The following BAG5 variants were observed in gnomAD, a reference collection of about 807,000 sequenced individuals.
The protein encoded by BAG5 is BAG family molecular chaperone regulator 5.
A neutral mutation model predicts 31.8 loss-of-function variants in BAG5; 25 were observed. The ratio of observed to expected loss-of-function variants is 0.79; its 90% CI spans 0.57 to 1.10. BAG5 has a LOEUF of 1.10. Ranked by LOEUF, BAG5 falls within the 50% of genes least tolerant of loss-of-function variation. BAG5 has a pLI of 0.00. For missense variants in BAG5, 491 were observed against 527.9 expected (o/e 0.93, Z 0.68); for synonymous variants, 208 against 205.0 (o/e 1.01, Z -0.13).
chr14:103,562,549 G>C (rs902097524), intron 1 of BAG5, 67 bp downstream of exon 1: 3 of 158,264 alleles, frequency 1.9e-5, no homozygotes, highest in African/African-American at 7.2e-5. Context: ...GGGGAGCCCC[G>C]CGCGGAGGTG....
Position 103,560,590 on chromosome 14 carries a change from T to A in BAG5, c.575A>T (p.Glu192Val). ...CAGGACCCCTCGGGCCTTGTTCACC[T>A]CACACATCACGAAGTTGATTTTGGC... ...SVAKINFVMC[E>V]VNKARGVLIA... Residue 192 changes from glutamate to valine, a missense_variant, in exon 2 of 2, where the codon GAG (glutamate) becomes GTG (valine). Physicochemically the swap from Glu to Val is moderately radical, Grantham distance 121 (BLOSUM62 -2). Transcript: ENST00000299204. 1.2e-6 allele frequency: 2 copies of A among 1,614,140 alleles called. No homozygotes were observed. Among genetic ancestry groups the A allele is most frequent in the Non-Finnish European group, 1.7e-6 (2 of 1,180,030 alleles).
Position 103,560,071 on chromosome 14 carries a change from G to A in BAG5, c.1094C>T (p.Ser365Phe). The A allele has an allele frequency of 6.2e-7, 1 of 1,614,172 alleles. No individual in the cohort carries two copies. ...AAGGACGTTCCAGACGGCTTTATGG[G>A]ATGGGTGCTCCTCACAAGCAAACAG... ...RKLFACEEHP[S>F]HKAVWNVLGN... The change falls in exon 2 of 2, where the codon TCC (serine) becomes TTC (phenylalanine). Residue 365 changes from serine to phenylalanine, a missense_variant. Coordinates refer to ENST00000299204, the MANE Select transcript of BAG5 (RefSeq NM_001015048.3).
rs1206590487 is a variant in BAG5, at chr14:103,560,094, C to G, written c.1071G>C (p.Leu357=). 6.2e-7 allele frequency: 1 copy of G among 1,614,128 alleles called. No individual in the cohort carries two copies. Among genetic ancestry groups the G allele is most frequent in the Non-Finnish European group, 8.5e-7 (1 of 1,180,030 alleles). ...DLKEALEKRK[L]FACEEHPSHK... is the part of the protein sequence containing the mutation. ...GGGATGGGTGCTCCTCACAAGCAAACAGCTTTCTTTTCTCAAGGGCCTCCT... is the reference window on the plus strand; with the variant it reads ...GGGATGGGTGCTCCTCACAAGCAAAGAGCTTTCTTTTCTCAAGGGCCTCCT... Residue 357 remains leucine (L), a synonymous_variant, in exon 2 of 2, where the codon CTG becomes CTC. Coordinates refer to ENST00000299204, the MANE Select transcript of BAG5 (RefSeq NM_001015048.3).
intron 1 of BAG5, chr14:103,562,205 TGCATGCCTC>T (rs1462215795): frequency 8.5e-6 from 5 of 590,970 alleles, no homozygotes; most frequent in Non-Finnish European, 1.5e-5. Flanking sequence ...GGCCCCCAGC[TGCATGCCTC>T]GCACCCCTCC....
chr14:103,561,284 A>G, intron 1 of BAG5, 92 bp from the exon 2 acceptor site: 3 of 1,369,688 alleles, frequency 2.2e-6, no homozygotes, highest in South Asian at 1.4e-5. Context: ...TCTCATTTTA[A>G]AAAGGTATAC....
Position 103,558,037 on chromosome 14 carries a change from C to T in BAG5, c.*1784G>A, listed in dbSNP as rs141137656. 4.6e-5 allele frequency: 7 copies of T among 152,260 alleles called. No homozygotes were observed. The highest frequency in any genetic ancestry group is 1.7e-4 in the African/African-American group (7 of 41,544). The allele number at this position is 152,260 out of a possible 1,614,324, so 9.4% of individuals were successfully genotyped here. The stretch of plus-strand genomic sequence containing the variant: ...TCTTCCTCAAGATTTTAAGAGCATT[C>T]TAAAATTATGATACAGAAAAGCAAT... On this transcript the variant is annotated 3_prime_UTR_variant, in exon 2 of 2. Coordinates refer to ENST00000299204, the MANE Select transcript of BAG5 (RefSeq NM_001015048.3).
Position 103,560,506 on chromosome 14 carries a change from A to G in BAG5, c.659T>C (p.Leu220Pro). Residue 220 changes from leucine (L) to proline (P), a missense_variant, in exon 2 of 2, where the codon CTC (leucine) becomes CCC (proline). Coordinates refer to ENST00000299204, the MANE Select transcript of BAG5 (RefSeq NM_001015048.3). ...ATCCAGGTCAGCGATCAGCCCCGAGAGCACACAGGATAAGTGCCTGCAGGT... is the reference window on the plus strand; with the variant it reads ...ATCCAGGTCAGCGATCAGCCCCGAGGGCACACAGGATAAGTGCCTGCAGGT... ...NETCRHLSCVLSGLIADLDAL... is the reference protein window; with the variant it reads ...NETCRHLSCVPSGLIADLDAL... 1 of 1,613,992 alleles carries G rather than the reference A, an allele frequency of 6.2e-7. No homozygotes were observed. The highest frequency in any genetic ancestry group is 8.5e-7 in the Non-Finnish European group (1 of 1,180,020).
Position 103,560,629 on chromosome 14 carries a change from G to A in BAG5, c.536C>T (p.Ala179Val). 1 of 1,614,190 alleles carries A rather than the reference G, an allele frequency of 6.2e-7. No homozygotes were observed. The highest frequency in any genetic ancestry group is 8.5e-7 in the Non-Finnish European group (1 of 1,180,038). The change falls in exon 2 of 2, where the codon GCA becomes GTA. Residue 179 changes from alanine (A) to valine (V), a missense_variant. Ala to Val is a moderately conservative substitution (Grantham distance 64, BLOSUM62 0). Transcript: ENST00000299204. ...GTTGATTTTGGCAACGGAAGGATGT[G>A]CATCCTCGGAAAGCGGCAGGGAAGG... ...KQPSLPLSED[A>V]HPSVAKINFV...
rs538305515 is a variant in BAG5 at position 103,557,303 on chromosome 14, G to GT, written c.*2517dup. ...CGAAGGCCGACAAGAGCTAAATCCG[G>GT]TGTCAACAGGGTTCATTGCAGGAGT... On this transcript the variant is annotated 3_prime_UTR_variant, in exon 2 of 2. Coordinates refer to ENST00000299204, the MANE Select transcript of BAG5 (RefSeq NM_001015048.3). 3 of 152,314 alleles carry GT rather than the reference G, an allele frequency of 2.0e-5. 1 individual carries two copies. The highest frequency in any genetic ancestry group is 7.2e-5 in the African/African-American group (3 of 41,562). 9.4% of individuals were successfully genotyped at this position (152,314 alleles called of 1,614,324 possible). A position where few individuals can be genotyped will look rare whatever the true frequency, so the allele number is the denominator to read the frequency against.
Position 103,560,385 on chromosome 14 carries a change from C to T in BAG5, c.780G>A (p.Glu260=), listed in dbSNP as rs1183133711. ...CAAATGCTTTAGTTGTGTCTGCTTC[C>T]TCTTCCAAATCCAGATATTTCAATA... ...NKLLKYLDLE[E]EADTTKAFDL... The change falls in exon 2 of 2, where the codon GAG becomes GAA. Residue 260 remains glutamate, a synonymous_variant. Transcript: ENST00000299204. 6.2e-7 allele frequency: 1 copy of T among 1,614,146 alleles called. No individual in the cohort carries two copies. The highest frequency in any genetic ancestry group is 2.2e-5 in the East Asian group (1 of 44,890).
chr14:103,556,698 G>A lies in BAG5; in HGVS notation c.*3123C>T, dbSNP rs1595124523. ...GAGAGGGGACAGGAACCAATGTACT[G>A]GAAAAACACACTTGTATTATATGTA... On this transcript the variant is annotated 3_prime_UTR_variant, in exon 2 of 2. Transcript: ENST00000299204. 1 of 151,968 alleles carries A rather than the reference G, an allele frequency of 6.6e-6. No homozygotes were observed. The highest frequency in any genetic ancestry group is 1.5e-5 in the Non-Finnish European group (1 of 68,010). The allele number at this position is 151,968 out of a possible 1,614,324, so 9.4% of individuals were successfully genotyped here. A position where few individuals can be genotyped will look rare whatever the true frequency, so the allele number is the denominator to read the frequency against.
intron 1 of BAG5, chr14:103,562,242 G>T: frequency 3.8e-6 from 2 of 530,220 alleles, no homozygotes; most frequent in Non-Finnish European, 6.8e-6. Context: ...GTCTGAGCGG[G>T]GCAGCCGGTG....
In BAG5 at chr14:103,559,564, G is replaced by T; in HGVS notation, c.*257C>A. On this transcript the variant is annotated 3_prime_UTR_variant, in exon 2 of 2. Transcript: ENST00000299204. ...AAAAGCTGCCTCTATTTTGTTTTCT[G>T]ATTAAAAACGCAAAAAAAAGGACAA... is the stretch of plus-strand genomic sequence containing the variant. The T allele has an allele frequency of 2.6e-6, 1 of 391,914 alleles. No individual in the cohort carries two copies. The highest frequency in any genetic ancestry group is 4.5e-6 in the Non-Finnish European group (1 of 221,218). The allele number at this position is 391,914 out of a possible 1,614,324, so 24.3% of individuals were successfully genotyped here.
chr14:103,560,164 C>T lies in BAG5; in HGVS notation c.1001G>A (p.Arg334Lys). ...KNPCIREARR[R>K]AVIEVQTLIT... ...CAGAGTTTGCACCTCGATCACTGCT[C>T]TTCTCCTGGCTTCCCGGATGCAGGG... The change falls in exon 2 of 2, where the codon AGA becomes AAA. Residue 334 changes from arginine (R) to lysine (K), a missense_variant. Physicochemically the swap from Arg to Lys is conservative, Grantham distance 26. Transcript: ENST00000299204. 6.2e-7 allele frequency: 1 copy of T among 1,614,144 alleles called. No homozygotes were observed. The highest frequency in any genetic ancestry group is 8.5e-7 in the Non-Finnish European group (1 of 1,180,010).
intron 1 of BAG5, 25 bp from the exon 2 acceptor site, chr14:103,561,217 T>A: frequency 6.4e-6 from 10 of 1,564,290 alleles, no homozygotes; most frequent in Non-Finnish European, 8.6e-6. Flanking sequence ...GAATGATAAC[T>A]TACTACAGCA....
chr14:103,560,536 T>C lies in BAG5; in HGVS notation c.629A>G (p.Asn210Ser), dbSNP rs757025881. Residue 210 changes from asparagine to serine, a missense_variant, in exon 2 of 2, where the codon AAT (asparagine) becomes AGT (serine). Transcript: ENST00000299204. ...ACAGGATAAGTGCCTGCAGGTCTCA[T>C]TGTTGTTCACACCCATCAGAAGTGC... Reference protein sequence around the residue: ...LIALLMGVNNNETCRHLSCVL... With the variant: ...LIALLMGVNNSETCRHLSCVL... 1.2e-5 allele frequency: 19 copies of C among 1,613,932 alleles called. No homozygotes were observed. Among genetic ancestry groups the C allele is most frequent in the East Asian group, 4.5e-5 (2 of 44,900 alleles).
rs376310374 is a variant in BAG5 at position 103,557,684 on chromosome 14, C to T, written c.*2137G>A. The T allele has an allele frequency of 7.9e-5, 12 of 152,244 alleles. No individual in the cohort carries two copies. Among genetic ancestry groups the T allele is most frequent in the African/African-American group, 2.9e-4 (12 of 41,546 alleles). 9.4% of individuals were successfully genotyped at this position (152,244 alleles called of 1,614,324 possible). On this transcript the variant is annotated 3_prime_UTR_variant, in exon 2 of 2. Coordinates refer to ENST00000299204, the MANE Select transcript of BAG5 (RefSeq NM_001015048.3). ...ATGATTTCCCAGTGGTATAATTAAACAGAGCTCTAATTTAAAAACTCTTCC... is the reference window on the plus strand; with the variant it reads ...ATGATTTCCCAGTGGTATAATTAAATAGAGCTCTAATTTAAAAACTCTTCC...
chr14:103,560,066 TATGGG>T lies in BAG5; in HGVS notation c.1094_1098del (p.Ser365Ter). The T allele has an allele frequency of 6.2e-7, 1 of 1,614,200 alleles. No homozygotes were observed. The highest frequency in any genetic ancestry group is 1.1e-5 in the South Asian group (1 of 91,088). On this transcript the variant is annotated frameshift_variant, in exon 2 of 2. Coordinates refer to ENST00000299204, the MANE Select transcript of BAG5 (RefSeq NM_001015048.3). LOFTEE classifies it high-confidence loss of function. ...TTTCCAAGGACGTTCCAGACGGCTT[TATGGG>T]ATGGGTGCTCCTCACAAGCAAACAG...
chr14:103,558,876 G>C lies in BAG5; in HGVS notation c.*945C>G, dbSNP rs1350233659. 6.6e-6 allele frequency: 1 copy of C among 152,206 alleles called. No individual in the cohort carries two copies. Among genetic ancestry groups the C allele is most frequent in the African/African-American group, 2.4e-5 (1 of 41,434 alleles). The allele number at this position is 152,206 out of a possible 1,614,324, so 9.4% of individuals were successfully genotyped here. A position where few individuals can be genotyped will look rare whatever the true frequency, so the allele number is the denominator to read the frequency against. On this transcript the variant is annotated 3_prime_UTR_variant, in exon 2 of 2. Transcript: ENST00000299204. The stretch of plus-strand genomic sequence containing the variant: ...GTGTGACAAGGCTGTCCATTTTACA[G>C]CCTTGGACAACAGAAGAGAACCATT...
Sources: gnomAD v4.1 joint callset for allele counts on GRCh38, gnomAD v4.1.1 for gene constraint, MANE v1.5 for transcripts, NCBI Gene and HGNC (gene_info 2026-07-23, HGNC 2026-07-21) for gene names.